Variants in RNLS observed in about 807,000 individuals in gnomAD.
The protein encoded by RNLS is renalase.
RNLS carries 39 observed loss-of-function variants against 39.8 expected under a neutral mutation model. The ratio of observed to expected loss-of-function variants is 0.98; its 90% CI spans 0.76 to 1.28. RNLS has a LOEUF of 1.28. RNLS is among the 50% of genes most tolerant of loss of function. The pLI, the probability that RNLS is intolerant of heterozygous loss-of-function variation, is 0.00. For missense variants in RNLS, 410 were observed against 413.3 expected (o/e 0.99, Z 0.07); for synonymous variants, 147 against 150.7 (o/e 0.98, Z 0.18).
chr10:88,517,165 C>T (rs1312317270), intron 4 of RNLS, among the ~76,000 whole-genome samples: 1 of 151,898 alleles, frequency 6.6e-6, no homozygotes, highest in Non-Finnish European at 1.5e-5. Context: ...ATAATGGTTG[C>T]TAGTTAAATA....
chr10:88,441,219 C>G (rs1841693278), intron 4 of RNLS, among the ~76,000 whole-genome samples: 1 of 152,138 alleles, frequency 6.6e-6, no homozygotes, highest in Admixed American at 6.5e-5. Flanking sequence ...AAATCCCTAC[C>G]TTGAACAATC....
intron 4 of RNLS, among the ~76,000 whole-genome samples, chr10:88,472,188 G>A (rs72820051): frequency 1.3e-5 from 2 of 152,160 alleles, no homozygotes; most frequent in Non-Finnish European, 2.9e-5. Context: ...CCAGGGCTGG[G>A]AAGGGGATGG....
intron 3 of RNLS, among the ~76,000 whole-genome samples, chr10:88,575,517 C>T (rs1277386123): frequency 6.6e-6 from 1 of 151,826 alleles, no homozygotes. Flanking sequence ...CTGGCAAAAC[C>T]ACCCAAAAAG....
rs201967585 is a variant in RNLS at position 88,373,022 on chromosome 10, CATAT to C, written c.527-10301_527-10298del. ...ATACAAAATGTCACAGAATATCATACATATTTATTTTACAGCCACTCTTCCCAGC... is the reference window on the plus strand; with the variant it reads ...ATACAAAATGTCACAGAATATCATACTTATTTTACAGCCACTCTTCCCAGC... On this transcript the variant is annotated intron_variant, in intron 4 of 6. Coordinates refer to ENST00000331772, the MANE Select transcript of RNLS (RefSeq NM_001031709.3). 7.0e-3 allele frequency among the ~76,000 whole-genome samples: 1,057 copies of C among 152,082 alleles called. 14 individuals are homozygous for C. The highest frequency in any genetic ancestry group is 0.019 in the East Asian group (99 of 5,176).
the RNLS span, among the ~76,000 whole-genome samples, chr10:88,172,891 C>G: frequency 1.0e-5 from 1 of 96,076 alleles, no homozygotes; most frequent in Non-Finnish European, 1.9e-5. Flanking sequence ...GAGTCTCGCT[C>G]TGTCGCCCAG....
the RNLS span, among the ~76,000 whole-genome samples, chr10:88,258,541 C>A: frequency 6.6e-6 from 1 of 152,162 alleles, no homozygotes; most frequent in African/African-American, 2.4e-5. Flanking sequence ...TGAGACAATG[C>A]ATATAAACTG....
chr10:88,290,558 A>G (rs1467199171), intron 6 of RNLS, among the ~76,000 whole-genome samples: 3 of 152,230 alleles, frequency 2.0e-5, no homozygotes, highest in Admixed American at 2.0e-4. Flanking sequence ...GAAAGAAAAA[A>G]TGGTGTCAAC....
chr10:88,378,225 T>G (rs1233764182), intron 4 of RNLS, among the ~76,000 whole-genome samples: 1 of 152,096 alleles, frequency 6.6e-6, no homozygotes, highest in Non-Finnish European at 1.5e-5. Context: ...AAAATAAGTC[T>G]AAGAAGTACA....
At chr10:88,557,617 T>C (rs896291480) in intron 4 of RNLS, among the ~76,000 whole-genome samples, 4 of 152,180 alleles carry the variant, frequency 2.6e-5, no homozygotes, top group African/African-American at 9.6e-5. Flanking sequence ...CCCATTCTTT[T>C]TTTTATCCTT....
chr10:88,392,770 G>T (rs1053838335), intron 4 of RNLS, among the ~76,000 whole-genome samples: 3 of 152,108 alleles, frequency 2.0e-5, no homozygotes, highest in African/African-American at 7.2e-5. Flanking sequence ...CTAAAAGTAT[G>T]GCACACATGC....
At chr10:88,264,411 G>A in the RNLS span, among the ~76,000 whole-genome samples, 36 of 152,184 alleles carry the variant, frequency 2.4e-4, no homozygotes, top group African/African-American at 8.2e-4. Flanking sequence ...TTTTCATAGC[G>A]GTTGTACTAG....
At chr10:88,222,973 A>G in the RNLS span, among the ~76,000 whole-genome samples, 1 of 152,388 alleles carries the variant, frequency 6.6e-6, no homozygotes, top group Admixed American at 6.5e-5. Flanking sequence ...TACTCTTGTG[A>G]GAGCACATTT....
At chr10:88,274,929 A>T (rs765888572) in exon 7 of RNLS, 7 of 1,577,398 alleles carry the variant, frequency 4.4e-6, no homozygotes, top group Non-Finnish European at 6.1e-6. Flanking sequence ...AAATCAAATA[A>T]AACCTGACTG....
intron 4 of RNLS, among the ~76,000 whole-genome samples, chr10:88,528,498 A>C (rs1847237941): frequency 6.6e-6 from 1 of 152,152 alleles, no homozygotes; most frequent in Non-Finnish European, 1.5e-5. Context: ...TGATAATGAA[A>C]GATGTGAGCT....
At chr10:88,532,522 A>G (rs1313310722) in intron 4 of RNLS, among the ~76,000 whole-genome samples, 2 of 152,090 alleles carry the variant, frequency 1.3e-5, no homozygotes, top group African/African-American at 4.8e-5. Flanking sequence ...TTTAGCAAAC[A>G]CTTATTAACC....
chr10:88,313,453 G>A (rs1036225634), intron 6 of RNLS, among the ~76,000 whole-genome samples: 2 of 152,130 alleles, frequency 1.3e-5, no homozygotes, highest in African/African-American at 4.8e-5. Flanking sequence ...AAAAAGTAAA[G>A]TCTTCTAAAG....
intron 4 of RNLS, among the ~76,000 whole-genome samples, chr10:88,418,942 A>G (rs537056665): frequency 6.6e-6 from 1 of 152,114 alleles, no homozygotes; most frequent in African/African-American, 2.4e-5. Context: ...CTAAAAAGCA[A>G]TTTTCTTAAT....
intron 6 of RNLS, among the ~76,000 whole-genome samples, chr10:88,287,425 T>A (rs1458229483): frequency 1.3e-5 from 2 of 152,142 alleles, no homozygotes; most frequent in African/African-American, 4.8e-5. Flanking sequence ...GCTTTTAACC[T>A]GCTTTAGATA....
intron 4 of RNLS, among the ~76,000 whole-genome samples, chr10:88,471,472 T>G (rs532727990): frequency 6.6e-6 from 1 of 152,032 alleles, no homozygotes; most frequent in Non-Finnish European, 1.5e-5. Context: ...TGGCTACCTT[T>G]TGGGGAAGGC....
Sources: allele counts gnomAD v4.1 joint callset (sites outside exome capture counted in the v4.1 genomes callset), GRCh38; gene constraint gnomAD v4.1.1; transcripts MANE v1.5; gene names NCBI Gene and HGNC (gene_info 2026-07-23, HGNC 2026-07-21).